CAMKMT: variants seen among roughly 807,000 people sequenced by gnomAD.
The protein encoded by CAMKMT is calmodulin-lysine N-methyltransferase, also known as CaM KMT.
A neutral mutation model predicts 48.0 loss-of-function variants in CAMKMT; 53 were observed. That is an observed-to-expected ratio of 1.10 (90% CI 0.89 to 1.39). CAMKMT has a LOEUF of 1.39. Among genes scored for constraint, CAMKMT ranks in the 40% most tolerant of loss-of-function variants. CAMKMT has a pLI of 0.00. For missense variants in CAMKMT, 428 were observed against 402.7 expected, an observed-to-expected ratio of 1.06 and a Z score of -0.54; for synonymous variants, 165 against 152.3, an observed-to-expected ratio of 1.08 and a Z score of -0.61.
intron 1 of CAMKMT, among the ~76,000 whole-genome samples, chr2:44,371,302 A>G (rs1413364873): frequency 6.6e-6 from 1 of 151,734 alleles, no homozygotes; most frequent in Non-Finnish European, 1.5e-5. Context: ...TATTTTTTGT[A>G]GATATGGGGT....
rs868093442 is a variant in CAMKMT, at chr2:44,588,303, A to G, written c.377-115980A>G. The stretch of plus-strand genomic sequence containing the variant: ...CCGGCAGCCACCCCGTCCGGGAGGG[A>G]GGGGGGGGGTCAGCCCCCCGCCCGG... On this transcript the variant is annotated intron_variant, in intron 3 of 10. Transcript: ENST00000378494. Among the ~76,000 whole-genome samples, 187 of 41,548 alleles carry G rather than the reference A, an allele frequency of 4.5e-3. No individual in the cohort carries two copies. In the East Asian group the frequency reaches 0.06, roughly 13 times the overall value. 27.3% of individuals were successfully genotyped at this position (41,548 alleles called of 152,430 possible).
chr2:44,745,655 C>T (rs1375202813), intron 8 of CAMKMT, among the ~76,000 whole-genome samples: 1 of 150,954 alleles, frequency 6.6e-6, no homozygotes, highest in African/African-American at 2.4e-5. Flanking sequence ...TTTTTTTTTC[C>T]CCTGGGTGTT....
At chr2:44,442,470 C>T (rs148044714) in intron 3 of CAMKMT, among the ~76,000 whole-genome samples, 3 of 152,270 alleles carry the variant, frequency 2.0e-5, no homozygotes, top group African/African-American at 4.8e-5. Flanking sequence ...TAGTCCTTCA[C>T]AGAACAGACT....
chr2:44,647,668 G>A (rs917884108), intron 3 of CAMKMT, among the ~76,000 whole-genome samples: 1 of 152,024 alleles, frequency 6.6e-6, no homozygotes, highest in Admixed American at 6.6e-5. Context: ...CACTTCGGGA[G>A]GCTGAGGCGG....
chr2:44,480,145 A>T (rs1372516307), intron 3 of CAMKMT, among the ~76,000 whole-genome samples: 1 of 152,194 alleles, frequency 6.6e-6, no homozygotes, highest in African/African-American at 2.4e-5. Flanking sequence ...CCTATCAAAG[A>T]GTGATTTTAT....
At chr2:44,681,876 C>T (rs575308528) in intron 3 of CAMKMT, among the ~76,000 whole-genome samples, 26 of 152,216 alleles carry the variant, frequency 1.7e-4, no homozygotes, top group African/African-American at 5.3e-4. Context: ...ACGTGGGAAA[C>T]GGACACAATA....
chr2:44,743,318 G>T (rs898789207), intron 7 of CAMKMT, among the ~76,000 whole-genome samples: 1 of 152,072 alleles, frequency 6.6e-6, no homozygotes, highest in Non-Finnish European at 1.5e-5. Context: ...GATGTTAAGG[G>T]TCTAGAATCA....
At chr2:44,656,560 A>G (rs1361244835) in intron 3 of CAMKMT, among the ~76,000 whole-genome samples, 2 of 152,180 alleles carry the variant, frequency 1.3e-5, no homozygotes, top group African/African-American at 4.8e-5. Flanking sequence ...CATTATAGAA[A>G]TACAAATAGC....
In CAMKMT at chr2:44,515,858, C is replaced by G. The variant is rs188177463; in HGVS notation, c.376+125553C>G. ...TCTGTGGCTACTTAGTTTTTAGGCC[C>G]TTTACCTATTTTTAGTCTAAGACAT... On this transcript the variant is annotated intron_variant, in intron 3 of 10. Transcript: ENST00000378494. Among the ~76,000 whole-genome samples the G allele has an allele frequency of 4.6e-5, 7 of 152,254 alleles. No individual in the cohort carries two copies. In the East Asian group the frequency reaches 1.3e-3, roughly 29 times the overall value.
At chr2:44,449,417 T>G (rs1667175164) in intron 3 of CAMKMT, among the ~76,000 whole-genome samples, 1 of 152,178 alleles carries the variant, frequency 6.6e-6, no homozygotes, top group South Asian at 2.1e-4. Context: ...ATATTTTTAC[T>G]TGTATAACCC....
At chr2:44,430,918 A>G (rs1019025537) in intron 3 of CAMKMT, among the ~76,000 whole-genome samples, 2 of 152,242 alleles carry the variant, frequency 1.3e-5, no homozygotes, top group African/African-American at 2.4e-5. Flanking sequence ...AAAGTACTAT[A>G]AGAGCTATCA....
intron 3 of CAMKMT, among the ~76,000 whole-genome samples, chr2:44,591,056 A>G (rs964949495): frequency 6.6e-6 from 1 of 151,980 alleles, no homozygotes; most frequent in African/African-American, 2.4e-5. Flanking sequence ...CAAAGATCAG[A>G]TAGTTGTAGA....
chr2:44,478,895 T>C (rs1211187492), intron 3 of CAMKMT, among the ~76,000 whole-genome samples: 1 of 152,114 alleles, frequency 6.6e-6, no homozygotes, highest in Non-Finnish European at 1.5e-5. Flanking sequence ...GAGACGGGGT[T>C]TCATCATGTT....
chr2:44,738,736 A>G (rs1365136257), intron 7 of CAMKMT, among the ~76,000 whole-genome samples: 2 of 152,224 alleles, frequency 1.3e-5, no homozygotes, highest in Admixed American at 1.3e-4. Context: ...TGCACATTAA[A>G]GGGTAATAGC....
chr2:44,618,411 G>T lies in CAMKMT; in HGVS notation c.377-85872G>T, dbSNP rs1007918032. On this transcript the variant is annotated intron_variant, in intron 3 of 10. Transcript: ENST00000378494. This position sits in a 1 kb window ranked among gnomAD's most constrained non-coding sequence, Gnocchi z 4.0. The stretch of plus-strand genomic sequence containing the variant: ...TTCCTACCAATTCCCAAGCCTGTCA[G>T]CAGAACCAATTAGATTTTCAACCAG... 1.3e-5 allele frequency among the ~76,000 whole-genome samples: 2 copies of T among 152,178 alleles called. No individual in the cohort carries two copies. The highest frequency in any genetic ancestry group is 2.9e-5 in the Non-Finnish European group (2 of 68,032).
At chr2:44,609,674 T>C (rs1274514628) in intron 3 of CAMKMT, among the ~76,000 whole-genome samples, 1 of 152,220 alleles carries the variant, frequency 6.6e-6, no homozygotes, top group Non-Finnish European at 1.5e-5. Context: ...TTTCTGAAAT[T>C]ACAAACTTTG....
chr2:44,579,204 A>G (rs1416184903), intron 3 of CAMKMT, among the ~76,000 whole-genome samples: 1 of 150,886 alleles, frequency 6.6e-6, no homozygotes, highest in African/African-American at 2.4e-5. Flanking sequence ...TGGTACCCAC[A>G]TATATAAAAT....
intron 3 of CAMKMT, among the ~76,000 whole-genome samples, chr2:44,530,303 T>G (rs1666414897): frequency 2.6e-5 from 4 of 152,194 alleles, no homozygotes; most frequent in Admixed American, 2.6e-4. Flanking sequence ...CAATAACAAG[T>G]GTGATGCTTT....
At chr2:44,650,316 G>A (rs1030222315) in intron 3 of CAMKMT, among the ~76,000 whole-genome samples, 1 of 152,046 alleles carries the variant, frequency 6.6e-6, no homozygotes, top group Non-Finnish European at 1.5e-5. Flanking sequence ...CTGTCTTCAC[G>A]TGGCCGGTCA....
Sources: allele counts gnomAD v4.1 joint callset (sites outside exome capture counted in the v4.1 genomes callset), GRCh38; gene constraint gnomAD v4.1.1; non-coding constraint Gnocchi (gnomAD v3.1); transcripts MANE v1.5; gene names NCBI Gene and HGNC (gene_info 2026-07-23, HGNC 2026-07-21).